Variants in PPP1R16B observed in about 807,000 individuals in gnomAD.
The protein encoded by PPP1R16B is protein phosphatase 1 regulatory subunit 16B.
A neutral mutation model predicts 61.7 loss-of-function variants in PPP1R16B; 14 were observed. The observed-to-expected ratio is 0.23, with a 90% CI of 0.15 to 0.35. PPP1R16B has a LOEUF of 0.35. Ranked by LOEUF, PPP1R16B falls within the 10% of genes least tolerant of loss-of-function variation. The probability of loss-of-function intolerance (pLI) is 1.00; values close to 1 mark genes in which losing one functional copy is unlikely to be tolerated. For missense variants in PPP1R16B, 547 were observed against 752.5 expected (o/e 0.73, Z 3.19); for synonymous variants, 266 against 305.3 (o/e 0.87, Z 1.34).
At chr20:38,827,693 T>A (rs1404203782) in intron 1 of PPP1R16B, among the ~76,000 whole-genome samples, 1 of 152,114 alleles carries the variant, frequency 6.6e-6, no homozygotes, top group East Asian at 1.9e-4. Flanking sequence ...CCCATGGGAA[T>A]GAGATTAGGG....
chr20:38,855,243 T>C (rs2084996248), intron 2 of PPP1R16B, among the ~76,000 whole-genome samples: 1 of 152,160 alleles, frequency 6.6e-6, no homozygotes, highest in Non-Finnish European at 1.5e-5. Context: ...CTTGAGCCAT[T>C]TGAATGTCTA....
At chr20:38,818,589 G>A (rs752316757) in intron 1 of PPP1R16B, among the ~76,000 whole-genome samples, 1 of 152,140 alleles carries the variant, frequency 6.6e-6, no homozygotes, top group Non-Finnish European at 1.5e-5. Flanking sequence ...GAAGGTAAGC[G>A]GTGGAGGCAA....
chr20:38,893,138 G>A (rs1391931663), intron 3 of PPP1R16B, among the ~76,000 whole-genome samples: 1 of 152,184 alleles, frequency 6.6e-6, no homozygotes, highest in Non-Finnish European at 1.5e-5. Context: ...GATTAAATGA[G>A]GCAATGCATG....
At chr20:38,839,288 G>C (rs933785611) in intron 2 of PPP1R16B, among the ~76,000 whole-genome samples, 4 of 152,196 alleles carry the variant, frequency 2.6e-5, no homozygotes, top group African/African-American at 7.2e-5. Context: ...GCAAGACTTA[G>C]ACAAGGTCCT....
rs146305183 is a variant in PPP1R16B at position 38,826,927 on chromosome 20, T to C, written c.-101-8898T>C. The stretch of plus-strand genomic sequence containing the variant: ...CCTAGTTGTTCTTTTTAAAAAATTA[T>C]TCATGTATTTATTTTTTAAATGATT... On this transcript the variant is annotated intron_variant, in intron 1 of 10. Coordinates refer to ENST00000299824, the MANE Select transcript of PPP1R16B (RefSeq NM_015568.4). Among the ~76,000 whole-genome samples the C allele has an allele frequency of 9.6e-4, 146 of 152,322 alleles. 2 individuals carry two copies. The highest frequency in any genetic ancestry group is 3.4e-3 in the African/African-American group (142 of 41,556).
intron 2 of PPP1R16B, among the ~76,000 whole-genome samples, chr20:38,851,184 GC>G (rs2084966723): frequency 1.3e-5 from 2 of 151,832 alleles, no homozygotes; most frequent in Admixed American, 6.6e-5. Context: ...AAAAAAGCTG[GC>G]TGGGCATAGT....
At chr20:38,838,532 A>C (rs1271986130) in intron 2 of PPP1R16B, 1 of 152,296 alleles carries the variant, frequency 6.6e-6, no homozygotes, top group African/African-American at 2.4e-5. Context: ...GGGTGAAAAG[A>C]GAGGTGGAAT....
intron 1 of PPP1R16B, among the ~76,000 whole-genome samples, chr20:38,818,272 G>A (rs1383639404): frequency 6.6e-6 from 1 of 152,186 alleles, no homozygotes; most frequent in African/African-American, 2.4e-5. Flanking sequence ...GTCAATTTAT[G>A]CATAGTACCT....
rs199729917 is a variant in PPP1R16B, at chr20:38,895,687, C to T, written c.444C>T (p.Asn148=). The T allele has an allele frequency of 1.4e-4, 221 of 1,614,012 alleles. No individual in the cohort carries two copies. The highest frequency in any genetic ancestry group is 5.6e-5 in the Non-Finnish European group (66 of 1,180,020). The change falls in exon 4 of 11, where the codon AAC becomes AAT. Residue 148 remains asparagine (N), a synonymous_variant. Coordinates refer to ENST00000299824, the MANE Select transcript of PPP1R16B (RefSeq NM_015568.4). ...LHAAATCGHI[N]LVKILVQYGA... is the part of the protein sequence containing the mutation. ...CTGCAGCCACCTGCGGCCACATCAA[C>T]CTGGTGAAGATCCTCGTTCAGTAGT...
chr20:38,915,636 C>A (rs975859657), intron 10 of PPP1R16B, among the ~76,000 whole-genome samples: 1 of 152,138 alleles, frequency 6.6e-6, no homozygotes, highest in African/African-American at 2.4e-5. Flanking sequence ...AGGCCTGCGT[C>A]ACTGCGCCTG....
chr20:38,851,939 C>T (rs528352649), intron 2 of PPP1R16B, among the ~76,000 whole-genome samples: 13 of 151,910 alleles, frequency 8.6e-5, no homozygotes, highest in Admixed American at 1.3e-4. Context: ...AGGCTGAGGC[C>T]GGAGAATTGC....
chr20:38,906,408 C>T (rs1398883287), intron 7 of PPP1R16B, among the ~76,000 whole-genome samples: 4 of 151,100 alleles, frequency 2.6e-5, no homozygotes, highest in Non-Finnish European at 5.9e-5. Context: ...ATTCTCCTGC[C>T]TCAGCCTCCT....
chr20:38,848,763 A>G (rs2084950001), intron 2 of PPP1R16B, among the ~76,000 whole-genome samples: 1 of 152,210 alleles, frequency 6.6e-6, no homozygotes, highest in African/African-American at 2.4e-5. Context: ...AATGCTGAAA[A>G]CACATGGACA....
chr20:38,813,675 T>C (rs968154670), intron 1 of PPP1R16B, among the ~76,000 whole-genome samples: 8 of 152,108 alleles, frequency 5.3e-5, no homozygotes, highest in Non-Finnish European at 1.5e-5. Context: ...ATATTCATCA[T>C]AATCACTTGG....
At chr20:38,897,087 G>A (rs149868466) in intron 4 of PPP1R16B, among the ~76,000 whole-genome samples, 4,662 of 152,144 alleles carry the variant, frequency 0.031, 90 homozygotes, top group East Asian at 0.089. Context: ...CGGAGTTTGC[G>A]ATGAGCTGAG....
At chr20:38,859,315 G>A (rs1447571677) in intron 2 of PPP1R16B, among the ~76,000 whole-genome samples, 1 of 151,828 alleles carries the variant, frequency 6.6e-6, no homozygotes, top group Non-Finnish European at 1.5e-5. Context: ...GCGGGGTGGG[G>A]GAGGGTGTGT....
At chr20:38,829,969 C>T (rs2084827136) in intron 1 of PPP1R16B, among the ~76,000 whole-genome samples, 1 of 152,252 alleles carries the variant, frequency 6.6e-6, no homozygotes, top group Non-Finnish European at 1.5e-5. Flanking sequence ...CCTCTGGCCC[C>T]TTTTACTGGC....
At chr20:38,897,334 CAAG>C (rs1048315652) in intron 4 of PPP1R16B, among the ~76,000 whole-genome samples, 9 of 152,120 alleles carry the variant, frequency 5.9e-5, no homozygotes, top group African/African-American at 2.2e-4. Flanking sequence ...CTTAAAAAAA[CAAG>C]AAGTGGATTC....
intron 10 of PPP1R16B, among the ~76,000 whole-genome samples, chr20:38,909,979 T>A (rs965003994): frequency 2.0e-5 from 3 of 152,166 alleles, no homozygotes; most frequent in East Asian, 3.8e-4. Flanking sequence ...AATCTTTTTT[T>A]ATTTTTTTAT....
Sources: gnomAD v4.1 joint callset for allele counts (sites outside exome capture counted in the v4.1 genomes callset) on GRCh38, gnomAD v4.1.1 for gene constraint, MANE v1.5 for transcripts, NCBI Gene and HGNC (gene_info 2026-07-23, HGNC 2026-07-21) for gene names.